MTUS2: variants seen among roughly 807,000 people sequenced by gnomAD.
The protein encoded by MTUS2 is microtubule-associated tumor suppressor candidate 2.
A neutral mutation model predicts 114.1 loss-of-function variants in MTUS2; 40 were observed. The ratio of observed to expected loss-of-function variants is 0.35; its 90% CI spans 0.27 to 0.46. The LOEUF is 0.46. MTUS2 is among the 20% of genes least tolerant of loss of function. MTUS2 has a pLI of 1.00. For synonymous variants in MTUS2, 688 were observed against 672.0 expected (o/e 1.02, Z -0.37); for missense variants, 1,679 against 1,705.4 (o/e 0.98, Z 0.27).
chr13:29,182,143 T>A (rs1894032014), intron 5 of MTUS2, among the ~76,000 whole-genome samples: 1 of 152,182 alleles, frequency 6.6e-6, no homozygotes, highest in Non-Finnish European at 1.5e-5. Context: ...TATCTATAGC[T>A]TGGAGTGGAC....
chr13:28,985,581 AG>A (rs1276123790), intron 2 of MTUS2, among the ~76,000 whole-genome samples: 13 of 145,318 alleles, frequency 8.9e-5, no homozygotes, highest in African/African-American at 3.3e-4. Flanking sequence ...TTTTTTAAAA[AG>A]CTTTATCTTT....
In MTUS2 at chr13:29,132,322, T is replaced by G. The variant is rs1593511107; in HGVS notation, c.2644+31352T>G. 3.9e-5 allele frequency among the ~76,000 whole-genome samples: 6 copies of G among 152,356 alleles called. 1 individual carries two copies. The South Asian group carries it at 1.2e-3, about 32-fold the overall frequency. On this transcript the variant is annotated intron_variant, in intron 5 of 15. Transcript: ENST00000612955. ...ATTACTGTCATTGCATTCAAAAACC[T>G]AATTAAGCTTTCTATAGCTTTTTTT...
chr13:29,261,587 C>G (rs1897473224), intron 5 of MTUS2, among the ~76,000 whole-genome samples: 1 of 152,176 alleles, frequency 6.6e-6, no homozygotes, highest in African/African-American at 2.4e-5. Flanking sequence ...AATAGAGCAC[C>G]TAAACTTTCT....
chr13:29,084,217 C>T (rs1189759054), intron 4 of MTUS2, among the ~76,000 whole-genome samples: 1 of 152,048 alleles, frequency 6.6e-6, no homozygotes, highest in Non-Finnish European at 1.5e-5. Flanking sequence ...CAGTTAGTGC[C>T]CTTTTAAATC....
chr13:29,244,937 C>T (rs1440965086), intron 5 of MTUS2, among the ~76,000 whole-genome samples: 2 of 91,940 alleles, frequency 2.2e-5, no homozygotes, highest in South Asian at 4.7e-4. Flanking sequence ...GCCTGGGCGA[C>T]AGAGCGAGAC....
In MTUS2 at chr13:29,024,986, A is replaced by G; in HGVS notation, c.288A>G (p.Lys96=). ...KGSQAGSASL[K]DFRLSSTIQR... ...CTCAGGCTGGCTCTGCCAGCCTGAA[A>G]GATTTTAGACTTTCTTCAACCATTC... Residue 96 remains lysine, a synonymous_variant, in exon 3 of 16, where the codon AAA becomes AAG. Transcript: ENST00000612955. 6.2e-7 allele frequency: 1 copy of G among 1,613,278 alleles called. No individual in the cohort carries two copies. Among genetic ancestry groups the G allele is most frequent in the Non-Finnish European group, 8.5e-7 (1 of 1,179,764 alleles).
chr13:28,843,554 A>T (rs908190427), intron 2 of MTUS2, among the ~76,000 whole-genome samples: 1 of 152,176 alleles, frequency 6.6e-6, no homozygotes, highest in African/African-American at 2.4e-5. Context: ...GAATTTTAGT[A>T]TGTTGGTTAT....
intron 2 of MTUS2, among the ~76,000 whole-genome samples, chr13:29,024,071 A>G (rs1239145523): frequency 6.6e-6 from 1 of 152,242 alleles, no homozygotes; most frequent in Non-Finnish European, 1.5e-5. Flanking sequence ...TCCCTTGTGT[A>G]AGATAATTAT....
intron 5 of MTUS2, among the ~76,000 whole-genome samples, chr13:29,268,407 G>A (rs1311850635): frequency 4.6e-5 from 7 of 152,262 alleles, no homozygotes; most frequent in East Asian, 1.9e-4. Context: ...AATGACTCCC[G>A]TTTTACTCTG....
chr13:29,440,415 T>C (rs767716933), intron 9 of MTUS2, among the ~76,000 whole-genome samples: 1 of 152,204 alleles, frequency 6.6e-6, no homozygotes, highest in African/African-American at 2.4e-5. Flanking sequence ...CTGTCTACCC[T>C]GTCGTGAAAT....
At chr13:29,028,562 G>A (rs1158837699) in intron 3 of MTUS2, among the ~76,000 whole-genome samples, 1 of 151,594 alleles carries the variant, frequency 6.6e-6, no homozygotes, top group Non-Finnish European at 1.5e-5. Context: ...TGCTTGGAAT[G>A]TTCTCCCAGT....
chr13:29,141,086 A>G (rs1345172167), intron 5 of MTUS2, among the ~76,000 whole-genome samples: 1 of 152,230 alleles, frequency 6.6e-6, no homozygotes, highest in Non-Finnish European at 1.5e-5. Context: ...ATTTGAGGAA[A>G]TTGAAAGATA....
intron 5 of MTUS2, among the ~76,000 whole-genome samples, chr13:29,248,381 T>G (rs1897000730): frequency 1.3e-5 from 2 of 152,178 alleles, no homozygotes; most frequent in Admixed American, 1.3e-4. Flanking sequence ...CCCCAAAAAC[T>G]TATTGAAATA....
At chr13:28,987,435 G>C (rs1047077130) in intron 2 of MTUS2, among the ~76,000 whole-genome samples, 5 of 152,126 alleles carry the variant, frequency 3.3e-5, no homozygotes, top group Admixed American at 2.0e-4. Context: ...CGGCTTTGAG[G>C]AGTAAATGAG....
intron 5 of MTUS2, among the ~76,000 whole-genome samples, chr13:29,167,121 T>A (rs937859012): frequency 2.0e-5 from 3 of 152,346 alleles, no homozygotes; most frequent in South Asian, 2.1e-4. Context: ...ACGCCTGTAA[T>A]CCCAGCACTT....
intron 6 of MTUS2, among the ~76,000 whole-genome samples, chr13:29,300,826 C>T (rs2992396): frequency 0.89 from 135,732 of 152,172 alleles, 61,088 homozygotes; most frequent in East Asian, 0.98. Context: ...TTATCATCCA[C>T]AGGCTTTATC....
chr13:29,072,321 G>A (rs1369821263), intron 4 of MTUS2: 2 of 152,138 alleles, frequency 1.3e-5, no homozygotes, highest in Non-Finnish European at 2.9e-5. Context: ...TGATTAGAGA[G>A]GATAAAAATA....
intron 5 of MTUS2, among the ~76,000 whole-genome samples, chr13:29,237,350 C>G (rs1432548173): frequency 1.3e-5 from 2 of 152,106 alleles, no homozygotes; most frequent in Non-Finnish European, 2.9e-5. Context: ...TGGGTCATTT[C>G]TCAGCCTAGA....
intron 2 of MTUS2, among the ~76,000 whole-genome samples, chr13:28,963,421 T>G (rs964224455): frequency 9.2e-5 from 14 of 152,156 alleles, no homozygotes; most frequent in African/African-American, 3.4e-4. Context: ...TGCAAAAATT[T>G]TATAATCAAA....
Sources: gnomAD v4.1 joint callset for allele counts (sites outside exome capture counted in the v4.1 genomes callset) on GRCh38, gnomAD v4.1.1 for gene constraint, MANE v1.5 for transcripts, NCBI Gene and HGNC (gene_info 2026-07-23, HGNC 2026-07-21) for gene names.